Variants in NCKAP5 observed in about 807,000 individuals in gnomAD.
NCKAP5 encodes the protein NCK associated protein 5, also known as nck-associated protein 5.
Under a neutral mutation model 167.0 loss-of-function variants are expected in NCKAP5, and 92 were observed. That is an observed-to-expected ratio of 0.55 (90% CI 0.47 to 0.66). The LOEUF is 0.66. Among genes scored for constraint, NCKAP5 ranks in the 30% least tolerant of loss-of-function variants. The probability of loss-of-function intolerance (pLI) is 0.00; values close to 1 mark genes in which losing one functional copy is unlikely to be tolerated. For missense variants in NCKAP5, 2,378 were observed against 2,315.0 expected, an observed-to-expected ratio of 1.03 and a Z score of -0.56; for synonymous variants, 891 against 877.4, an observed-to-expected ratio of 1.02 and a Z score of -0.27.
At chr2:132,791,683 T>C (rs1250209748) in intron 12 of NCKAP5, among the ~76,000 whole-genome samples, 1 of 152,264 alleles carries the variant, frequency 6.6e-6, no homozygotes, top group East Asian at 1.9e-4. Flanking sequence ...ATTGACACTT[T>C]GTGGGTGCCT....
At chr2:132,859,889 G>T (rs1021705500) in intron 11 of NCKAP5, among the ~76,000 whole-genome samples, 5 of 152,072 alleles carry the variant, frequency 3.3e-5, no homozygotes, top group African/African-American at 7.2e-5. Context: ...GCTTTGTCAG[G>T]AACAGCTTCA....
chr2:133,488,547 C>T (rs1177869535), intron 3 of NCKAP5, among the ~76,000 whole-genome samples: 4 of 152,120 alleles, frequency 2.6e-5, no homozygotes, highest in African/African-American at 4.8e-5. Context: ...GTTTCCCTTA[C>T]CCCTCCCTTC....
chr2:133,449,644 T>G (rs761090766), intron 3 of NCKAP5, among the ~76,000 whole-genome samples: 45 of 152,252 alleles, frequency 3.0e-4, no homozygotes, highest in Non-Finnish European at 6.0e-4. Context: ...ACTTTCAAAT[T>G]CTCTATCTTC....
At chr2:133,655,868 G>A in the NCKAP5 span, among the ~76,000 whole-genome samples, 1 of 152,188 alleles carries the variant, frequency 6.6e-6, no homozygotes, top group Non-Finnish European at 1.5e-5. Context: ...AAAAGAGCTT[G>A]TAGAGGCTCT....
intron 3 of NCKAP5, among the ~76,000 whole-genome samples, chr2:133,420,705 G>A (rs1045696922): frequency 6.6e-6 from 1 of 152,210 alleles, no homozygotes; most frequent in African/African-American, 2.4e-5. Context: ...GGTAGAGTCT[G>A]ATGTGTTTTT....
intron 3 of NCKAP5, among the ~76,000 whole-genome samples, chr2:133,478,255 C>T (rs948871169): frequency 1.3e-5 from 2 of 152,176 alleles, no homozygotes; most frequent in African/African-American, 4.8e-5. Flanking sequence ...GCAGCAGTGA[C>T]TTTTGCAATA....
intron 4 of NCKAP5, among the ~76,000 whole-genome samples, chr2:133,295,707 G>C (rs1679912313): frequency 6.6e-6 from 1 of 152,130 alleles, no homozygotes; most frequent in Non-Finnish European, 1.5e-5. Context: ...GAAAGCCAGG[G>C]ATCATCCTAA....
At position 132,920,165 on chromosome 2, in the gene NCKAP5, A is replaced by G. The variant is rs1695201623; in HGVS notation, c.580-41249T>C. Reference sequence around the variant, plus strand: ...TTTTTTTCTTTTAAATTAAGTTCCTATGCTATTTCATGGCAGGAAGTTTTG... The same window carrying G: ...TTTTTTTCTTTTAAATTAAGTTCCTGTGCTATTTCATGGCAGGAAGTTTTG... On this transcript the variant is annotated intron_variant, in intron 8 of 19. Coordinates refer to ENST00000409261, the MANE Select transcript of NCKAP5 (RefSeq NM_207363.3). 3.3e-5 allele frequency among the ~76,000 whole-genome samples: 5 copies of G among 151,632 alleles called. No homozygotes were observed. The South Asian group carries it at 1.0e-3, about 32-fold the overall frequency.
chr2:133,629,919 G>T, the NCKAP5 span, among the ~76,000 whole-genome samples: 1 of 152,224 alleles, frequency 6.6e-6, no homozygotes, highest in Admixed American at 6.5e-5. Flanking sequence ...ATTATAAGTG[G>T]GAGCTGAATG....
chr2:133,237,075 C>A (rs1339822231), intron 4 of NCKAP5, among the ~76,000 whole-genome samples: 3 of 151,490 alleles, frequency 2.0e-5, no homozygotes, highest in African/African-American at 7.3e-5. Context: ...ATCTCTGTAT[C>A]AAATTTAAAA....
intron 4 of NCKAP5, chr2:133,264,939 A>G (rs1253260329): frequency 1.3e-5 from 2 of 152,176 alleles, no homozygotes; most frequent in East Asian, 3.8e-4. Flanking sequence ...GGCAAAAGCT[A>G]CTCCTGCAAA....
intron 6 of NCKAP5, among the ~76,000 whole-genome samples, chr2:133,017,760 C>G (rs1312715211): frequency 6.6e-6 from 1 of 151,952 alleles, no homozygotes; most frequent in Non-Finnish European, 1.5e-5. Flanking sequence ...CCCAGTCTCC[C>G]CAAACACATG....
chr2:132,693,386 A>G (rs1236020083), intron 19 of NCKAP5, among the ~76,000 whole-genome samples: 2 of 152,174 alleles, frequency 1.3e-5, no homozygotes, highest in Non-Finnish European at 2.9e-5. Flanking sequence ...ACACAGGAAG[A>G]CATGCACGGA....
intron 6 of NCKAP5, among the ~76,000 whole-genome samples, chr2:133,085,828 T>C (rs991344042): frequency 6.6e-6 from 1 of 152,022 alleles, no homozygotes; most frequent in African/African-American, 2.4e-5. Flanking sequence ...CAGACCACAG[T>C]GAAAACTAGA....
chr2:132,742,400 C>T (rs1258105622), intron 16 of NCKAP5, among the ~76,000 whole-genome samples: 2 of 151,962 alleles, frequency 1.3e-5, no homozygotes, highest in East Asian at 1.9e-4. Flanking sequence ...ATATAAAAAC[C>T]AGGAAGCATG....
intron 7 of NCKAP5, among the ~76,000 whole-genome samples, chr2:132,965,123 C>A (rs1187813696): frequency 6.6e-6 from 1 of 152,098 alleles, no homozygotes; most frequent in Non-Finnish European, 1.5e-5. Context: ...GTACAGATTT[C>A]AGGATCTAAT....
intron 3 of NCKAP5, among the ~76,000 whole-genome samples, chr2:133,388,230 T>A (rs1348526689): frequency 1.3e-5 from 2 of 152,352 alleles, no homozygotes; most frequent in Non-Finnish European, 2.9e-5. Flanking sequence ...GGTGTGGATG[T>A]CCTTTCTGTT....
rs1218116507 is a variant in NCKAP5 at position 133,450,049 on chromosome 2, A to T, written c.69+67409T>A. Among the ~76,000 whole-genome samples the T allele has an allele frequency of 2.0e-5, 3 of 152,142 alleles. No individual in the cohort carries two copies. In the East Asian group the frequency reaches 5.8e-4, roughly 29 times the overall value. ...AGGCAGCAAAGATGTACCTACCAGAAACATTTATTGATTTGCCCATATTTG... is the reference window on the plus strand; with the variant it reads ...AGGCAGCAAAGATGTACCTACCAGATACATTTATTGATTTGCCCATATTTG... On this transcript the variant is annotated intron_variant, in intron 3 of 19. Coordinates refer to ENST00000409261, the MANE Select transcript of NCKAP5 (RefSeq NM_207363.3).
chr2:132,836,904 G>A (rs74592430), intron 11 of NCKAP5, among the ~76,000 whole-genome samples: 3,165 of 152,186 alleles, frequency 0.021, 105 homozygotes, highest in African/African-American at 0.073. Flanking sequence ...GGCCAAATAC[G>A]TCTTCCCACT....
Sources: allele counts gnomAD v4.1 joint callset (sites outside exome capture counted in the v4.1 genomes callset), GRCh38; gene constraint gnomAD v4.1.1; transcripts MANE v1.5; gene names NCBI Gene and HGNC (gene_info 2026-07-23, HGNC 2026-07-21).